The following CDH13 variants were observed in gnomAD, a reference collection of about 807,000 sequenced individuals.
The protein encoded by CDH13 is cadherin-13.
Under a neutral mutation model 63.8 loss-of-function variants are expected in CDH13, and 24 were observed. That is an observed-to-expected ratio of 0.38 (90% CI 0.27 to 0.53). CDH13 has a LOEUF of 0.53. Among genes scored for constraint, CDH13 ranks in the 20% least tolerant of loss-of-function variants. The pLI, the probability that CDH13 is intolerant of heterozygous loss-of-function variation, is 0.85. For missense variants in CDH13, 1,049 were observed against 903.1 expected, an observed-to-expected ratio of 1.16 and a Z score of -2.07; for synonymous variants, 503 against 355.3, an observed-to-expected ratio of 1.42 and a Z score of -4.67.
intron 5 of CDH13, among the ~76,000 whole-genome samples, chr16:83,251,916 T>C (rs896522311): frequency 4.6e-5 from 7 of 151,964 alleles, no homozygotes; most frequent in African/African-American, 1.7e-4. Context: ...TTTTTAAAAG[T>C]TTAATCTATA....
chr16:83,194,621 C>T (rs2038820915), intron 4 of CDH13, among the ~76,000 whole-genome samples: 1 of 152,140 alleles, frequency 6.6e-6, no homozygotes, highest in African/African-American at 2.4e-5. Context: ...CTTTCCCTTT[C>T]TTGGGTAAAA....
chr16:83,034,083 G>A (rs1341291742), intron 3 of CDH13, among the ~76,000 whole-genome samples: 3 of 152,096 alleles, frequency 2.0e-5, no homozygotes, highest in South Asian at 2.1e-4. Context: ...GATCTTGAGA[G>A]CATCATATAG....
intron 11 of CDH13, among the ~76,000 whole-genome samples, chr16:83,762,018 C>T (rs1451136938): frequency 1.3e-5 from 2 of 152,018 alleles, no homozygotes; most frequent in Non-Finnish European, 2.9e-5. Context: ...AGTGAGCTAA[C>T]GCCACTGCAC....
At chr16:83,756,793 G>C (rs781403841) in intron 11 of CDH13, among the ~76,000 whole-genome samples, 6 of 152,300 alleles carry the variant, frequency 3.9e-5, no homozygotes, top group African/African-American at 1.2e-4. Context: ...CAAATATACA[G>C]AGCAGAGAAA....
intron 2 of CDH13, among the ~76,000 whole-genome samples, chr16:82,912,280 G>A (rs1037568954): frequency 1.3e-5 from 2 of 151,640 alleles, no homozygotes; most frequent in Non-Finnish European, 2.9e-5. Flanking sequence ...GAGTGAGCAC[G>A]AATGGACTCT....
intron 7 of CDH13, among the ~76,000 whole-genome samples, chr16:83,539,118 A>G (rs920759351): frequency 1.3e-5 from 2 of 152,108 alleles, no homozygotes; most frequent in African/African-American, 4.8e-5. Flanking sequence ...GTATCCTTAG[A>G]ACAGTGGTCC....
At chr16:82,957,728 A>G (rs1316838861) in intron 2 of CDH13, among the ~76,000 whole-genome samples, 1 of 152,198 alleles carries the variant, frequency 6.6e-6, no homozygotes, top group Non-Finnish European at 1.5e-5. Flanking sequence ...TTTTCCCACA[A>G]GGATGTTATA....
At chr16:83,041,777 G>T (rs1267457604) in intron 3 of CDH13, among the ~76,000 whole-genome samples, 2 of 152,166 alleles carry the variant, frequency 1.3e-5, no homozygotes, top group African/African-American at 4.8e-5. Context: ...TAACTTCTCT[G>T]AGGTTCAGTT....
intron 7 of CDH13, among the ~76,000 whole-genome samples, chr16:83,492,967 T>G (rs2074049369): frequency 6.6e-6 from 1 of 152,194 alleles, no homozygotes; most frequent in Non-Finnish European, 1.5e-5. Flanking sequence ...AAACCTGGCT[T>G]CAGAGAAATG....
rs2032482501 is a variant in CDH13 at position 82,717,736 on chromosome 16, G to A, written c.45+90599G>A. ...TAATCCAAAATAATCTCTTCATTTGGAAATCATTAATTTGGCCACATCTGC... is the reference window on the plus strand; with the variant it reads ...TAATCCAAAATAATCTCTTCATTTGAAAATCATTAATTTGGCCACATCTGC... On this transcript the variant is annotated intron_variant, in intron 1 of 13. Transcript: ENST00000567109. Among the ~76,000 whole-genome samples, 3 of 152,228 alleles carry A rather than the reference G, an allele frequency of 2.0e-5. No individual in the cohort carries two copies. The South Asian group carries it at 6.2e-4, about 32-fold the overall frequency.
At chr16:83,761,136 A>G (rs944627456) in intron 11 of CDH13, among the ~76,000 whole-genome samples, 12 of 152,234 alleles carry the variant, frequency 7.9e-5, no homozygotes, top group African/African-American at 2.9e-4. Flanking sequence ...ACAAACTGTC[A>G]GATCAGAATG....
intron 1 of CDH13, among the ~76,000 whole-genome samples, chr16:82,821,359 C>G (rs1255843289): frequency 1.3e-5 from 2 of 152,170 alleles, no homozygotes; most frequent in Non-Finnish European, 2.9e-5. Flanking sequence ...AAAATTTATA[C>G]TAATGAGACG....
chr16:83,546,078 A>C (rs1345586833), intron 7 of CDH13, among the ~76,000 whole-genome samples: 1 of 152,224 alleles, frequency 6.6e-6, no homozygotes, highest in Non-Finnish European at 1.5e-5. Context: ...GATGAGGAAG[A>C]GTGAAATTGG....
chr16:83,434,127 C>CCAGT (rs2072212254), intron 6 of CDH13, among the ~76,000 whole-genome samples: 1 of 152,048 alleles, frequency 6.6e-6, no homozygotes, highest in African/African-American at 2.4e-5. Flanking sequence ...CGTTAATAGC[C>CCAGT]CAGTCTTCTA....
chr16:82,825,283 G>T (rs1346370152), intron 1 of CDH13: 1 of 152,160 alleles, frequency 6.6e-6, no homozygotes, highest in Non-Finnish European at 1.5e-5. Context: ...GCAGTAAGGT[G>T]CACCCACTTC....
chr16:82,930,607 G>A (rs919767924), intron 2 of CDH13, among the ~76,000 whole-genome samples: 2 of 152,034 alleles, frequency 1.3e-5, no homozygotes, highest in Non-Finnish European at 2.9e-5. Context: ...AGAGCTCCCC[G>A]TCAGCTCTCT....
At chr16:82,658,630 A>C (rs12597057) in intron 1 of CDH13, among the ~76,000 whole-genome samples, 15,996 of 152,178 alleles carry the variant, frequency 0.11, 1,145 homozygotes, top group East Asian at 0.26. Context: ...AATTATGTCA[A>C]ATAGTACTGA....
At chr16:83,473,332 C>G (rs1013942223) in intron 6 of CDH13, among the ~76,000 whole-genome samples, 2 of 152,342 alleles carry the variant, frequency 1.3e-5, no homozygotes, top group Admixed American at 6.5e-5. Flanking sequence ...CACATGTTTG[C>G]AAAATCAGCA....
intron 10 of CDH13, among the ~76,000 whole-genome samples, chr16:83,736,473 C>A (rs1160418864): frequency 6.6e-6 from 1 of 152,140 alleles, no homozygotes; most frequent in African/African-American, 2.4e-5. Flanking sequence ...CTGTATTTCT[C>A]TGTATTGCTT....
Sources: allele counts gnomAD v4.1 joint callset (sites outside exome capture counted in the v4.1 genomes callset), GRCh38; gene constraint gnomAD v4.1.1; transcripts MANE v1.5; gene names NCBI Gene and HGNC (gene_info 2026-07-23, HGNC 2026-07-21).